SLC9A3: variants seen among roughly 807,000 people sequenced by gnomAD.
SLC9A3 encodes solute carrier family 9 member A3, also known as sodium/hydrogen exchanger 3.
A neutral mutation model predicts 86.8 loss-of-function variants in SLC9A3; 37 were observed. The observed-to-expected ratio is 0.43, with a 90% CI of 0.33 to 0.56. The LOEUF (loss-of-function observed/expected upper bound fraction) is 0.56. Among genes scored for constraint, SLC9A3 ranks in the 20% least tolerant of loss-of-function variants. The pLI is 0.06. For missense variants in SLC9A3, 1,011 were observed against 1,171.9 expected (o/e 0.86, Z 2.00); for synonymous variants, 581 against 528.3 (o/e 1.10, Z -1.37).
intron 10 of SLC9A3, 54 bp from the exon 11 acceptor site, chr5:477,498 TGC>T: frequency 3.1e-6 from 4 of 1,310,778 alleles, no homozygotes; most frequent in Non-Finnish European, 3.2e-6. Context: ...CCCTAGCTGC[TGC>T]CATTGTGTGC....
intron 1 of SLC9A3, among the ~76,000 whole-genome samples, chr5:510,463 G>A (rs1403964031): frequency 6.6e-6 from 1 of 152,214 alleles, no homozygotes; most frequent in Admixed American, 6.5e-5. Flanking sequence ...GTGACCACTG[G>A]GGAGCGGGGC....
In SLC9A3 at chr5:475,652, G is replaced by A. The variant is rs1307573442; in HGVS notation, c.2160C>T (p.Thr720=). The change falls in exon 15 of 17, where the codon ACC becomes ACT. Residue 720 remains threonine, a synonymous_variant. Transcript: ENST00000264938. ...IKEKDLELSD[T]EEPPNYDEEM... Reference sequence around the variant, plus strand: ...CCTCATCATAGTTGGGGGGCTCCTCGGTGTCTGAAAGTTCCAAGTCTGGGG... The same window carrying A: ...CCTCATCATAGTTGGGGGGCTCCTCAGTGTCTGAAAGTTCCAAGTCTGGGG... 2.6e-6 allele frequency: 4 copies of A among 1,550,692 alleles called. No homozygotes were observed. Among genetic ancestry groups the A allele is most frequent in the African/African-American group, 2.7e-5 (2 of 73,030 alleles).
intron 9 of SLC9A3, 153 bp from the exon 10 acceptor site, chr5:480,118 C>T (rs1739067196): frequency 1.3e-6 from 1 of 767,578 alleles, no homozygotes; most frequent in African/African-American, 1.8e-5. Flanking sequence ...GCCACACGCC[C>T]AGGCCGTCCG....
chr5:488,348 C>G lies in SLC9A3; in HGVS notation c.643G>C (p.Gly215Arg). Reference protein sequence around the residue: ...VNEVLFIIVFGESLLNDAVTV... With the variant: ...VNEVLFIIVFRESLLNDAVTV... ...ACTGCGTCGTTCAGCAGCGACTCCCCGAAGACGATGATGAACAGGACCTCG... is the reference window on the plus strand; with the variant it reads ...ACTGCGTCGTTCAGCAGCGACTCCCGGAAGACGATGATGAACAGGACCTCG... The change falls in exon 3 of 17, where the codon GGG becomes CGG. Residue 215 changes from glycine to arginine, a missense_variant. By Grantham distance (125) the Gly-to-Arg change is moderately radical. Coordinates refer to ENST00000264938, the MANE Select transcript of SLC9A3 (RefSeq NM_004174.4). 6.2e-7 allele frequency: 1 copy of G among 1,612,708 alleles called. No homozygotes were observed. Among genetic ancestry groups the G allele is most frequent in the Non-Finnish European group, 8.5e-7 (1 of 1,179,876 alleles).
In SLC9A3 at chr5:472,425, C is replaced by G. The variant is rs1383701029; in HGVS notation, c.*954G>C. On this transcript the variant is annotated 3_prime_UTR_variant, in exon 17 of 17. Coordinates refer to ENST00000264938, the MANE Select transcript of SLC9A3 (RefSeq NM_004174.4). ...CTGGGCCCCACCATCCACTTAAGGA[C>G]TGGCCGTGATTCTTGGCAAGCTCCG... 3.0e-6 allele frequency: 1 copy of G among 337,052 alleles called. No homozygotes were observed. Among genetic ancestry groups the G allele is most frequent in the East Asian group, 9.3e-5 (1 of 10,762 alleles). The allele number at this position is 337,052 out of a possible 1,614,324, so 20.9% of individuals were successfully genotyped here.
Position 490,487 on chromosome 5 carries a change from T to C in SLC9A3, c.514+1282A>G, listed in dbSNP as rs145757865. 2.6e-3 allele frequency among the ~76,000 whole-genome samples: 403 copies of C among 152,324 alleles called. 1 individual carries two copies. The highest frequency in any genetic ancestry group is 9.3e-3 in the African/African-American group (386 of 41,568). On this transcript the variant is annotated intron_variant, in intron 2 of 16. Transcript: ENST00000264938. ...TGCAAGGGAAATCCGGCAGTGTCTC[T>C]GGCCAATGCTAGGCGGGGACCATTG...
rs1322516239 is a variant in SLC9A3, at chr5:472,882, GGGCGAGCCTC to G, written c.*487_*496del. Reference sequence around the variant, plus strand: ...GGCTGGTTTCACGCAAATCCGTTTGGGGCGAGCCTCGGTTTCCCGGCAGCGGTGGGAAAGG... The same window carrying G: ...GGCTGGTTTCACGCAAATCCGTTTGGGGTTTCCCGGCAGCGGTGGGAAAGG... On this transcript the variant is annotated 3_prime_UTR_variant, in exon 17 of 17. Coordinates refer to ENST00000264938, the MANE Select transcript of SLC9A3 (RefSeq NM_004174.4). 2.0e-6 allele frequency: 1 copy of G among 501,722 alleles called. No homozygotes were observed. Among genetic ancestry groups the G allele is most frequent in the Non-Finnish European group, 3.7e-6 (1 of 268,462 alleles). 31.1% of individuals were successfully genotyped at this position (501,722 alleles called of 1,614,324 possible).
intron 8 of SLC9A3, 25 bp from the exon 9 acceptor site, chr5:481,660 C>T (rs767233922): frequency 8.7e-6 from 14 of 1,602,514 alleles, no homozygotes; most frequent in Middle Eastern, 3.3e-4. Context: ...AAGACATGAG[C>T]GTCTCGGGGC....
intron 1 of SLC9A3, among the ~76,000 whole-genome samples, chr5:500,654 G>A (rs1427891307): frequency 8.3e-6 from 1 of 120,276 alleles, no homozygotes; most frequent in Non-Finnish European, 1.6e-5. Context: ...GTGGACATGG[G>A]GCTAGTATGG....
At chr5:518,048 T>A (rs1264089800) in intron 1 of SLC9A3, among the ~76,000 whole-genome samples, 1 of 152,252 alleles carries the variant, frequency 6.6e-6, no homozygotes, top group South Asian at 2.1e-4. Context: ...CACATGTCCA[T>A]TCACGTGCTC....
chr5:519,602 C>T lies in SLC9A3; in HGVS notation c.211+4510G>A, dbSNP rs573644371. Among the ~76,000 whole-genome samples, 8 of 152,256 alleles carry T rather than the reference C, an allele frequency of 5.3e-5. No homozygotes were observed. In the South Asian group the frequency reaches 6.2e-4, roughly 12 times the overall value. On this transcript the variant is annotated intron_variant, in intron 1 of 16. Coordinates refer to ENST00000264938, the MANE Select transcript of SLC9A3 (RefSeq NM_004174.4). The stretch of plus-strand genomic sequence containing the variant: ...CCCTGGGACACGCTGGGTAAGACAG[C>T]GGGGGTCCGGGAGTCAAGTGTCGGG...
chr5:507,400 G>GT (rs1394693914), intron 1 of SLC9A3, among the ~76,000 whole-genome samples: 2 of 150,726 alleles, frequency 1.3e-5, no homozygotes, highest in Non-Finnish European at 3.0e-5. Context: ...GTCTAGCTCT[G>GT]TTGCCCAGGC....
At chr5:482,899 G>A (rs927971988) in intron 6 of SLC9A3, 149 bp from the exon 7 acceptor site, 51 of 655,716 alleles carry the variant, frequency 7.8e-5, no homozygotes, top group South Asian at 1.9e-4. Context: ...CACGTCCCTC[G>A]TCACCATCCA....
chr5:506,464 G>A (rs573795654), intron 1 of SLC9A3, among the ~76,000 whole-genome samples: 1 of 152,306 alleles, frequency 6.6e-6, no homozygotes, highest in East Asian at 1.9e-4. Flanking sequence ...CTCCCGAGGG[G>A]CCCCATGCTG....
At chr5:502,289 C>T (rs991997311) in intron 1 of SLC9A3, among the ~76,000 whole-genome samples, 1 of 152,216 alleles carries the variant, frequency 6.6e-6, no homozygotes, top group African/African-American at 2.4e-5. Flanking sequence ...GCCCCCCACC[C>T]CCAGAGACGG....
At position 472,768 on chromosome 5, in the gene SLC9A3, C is replaced by T; in HGVS notation, c.*611G>A. ...GGGCCTGCAGCCGCTGCAGGTCGGG[C>T]CCTGAGTCCTGGCGCTCGGGAGGTC... On this transcript the variant is annotated 3_prime_UTR_variant, in exon 17 of 17. Coordinates refer to ENST00000264938, the MANE Select transcript of SLC9A3 (RefSeq NM_004174.4). The T allele has an allele frequency of 1.7e-6, 1 of 586,160 alleles. No homozygotes were observed. The highest frequency in any genetic ancestry group is 3.2e-6 in the Non-Finnish European group (1 of 310,520). The allele number at this position is 586,160 out of a possible 1,614,324, so 36.3% of individuals were successfully genotyped here.
In SLC9A3 at chr5:524,134, G is replaced by C; in HGVS notation, c.189C>G (p.Leu63=). 6.5e-7 allele frequency: 1 copy of C among 1,530,022 alleles called. No homozygotes were observed. The highest frequency in any genetic ancestry group is 1.2e-5 in the South Asian group (1 of 81,538). 94.8% of individuals were successfully genotyped at this position (1,530,022 alleles called of 1,614,324 possible). ...TACCGATCTTGGCCAAGCTGGCCAC[G>C]AGGATCCAGAGCGCGATGACGTAGG... ...QDPYVIALWI[L]VASLAKIGFH... is the part of the protein sequence containing the mutation. Residue 63 remains leucine, a synonymous_variant, in exon 1 of 17, where the codon CTC becomes CTG. Transcript: ENST00000264938.
At position 476,340 on chromosome 5, in the gene SLC9A3, C is replaced by T. The variant is rs371104997; in HGVS notation, c.1929G>A (p.Thr643=). The change falls in exon 13 of 17, where the codon ACG becomes ACA. Residue 643 remains threonine (T), a synonymous_variant. Coordinates refer to ENST00000264938, the MANE Select transcript of SLC9A3 (RefSeq NM_004174.4). ...TTTCCCGGTCCTGTTTCTCGTCCTCCGTGGGCGTGAGCTCGTGTCGGCTGT... is the reference window on the plus strand; with the variant it reads ...TTTCCCGGTCCTGTTTCTCGTCCTCTGTGGGCGTGAGCTCGTGTCGGCTGT... ...HLYSRHELTP[T]EDEKQDREIF... The T allele has an allele frequency of 5.0e-6, 8 of 1,613,806 alleles. No homozygotes were observed. Among genetic ancestry groups the T allele is most frequent in the East Asian group, 4.5e-5 (2 of 44,898 alleles).
chr5:482,268 C>T (rs1393976985), intron 7 of SLC9A3, 111 bp from the exon 8 acceptor site: 8 of 846,198 alleles, frequency 9.5e-6, no homozygotes, highest in Non-Finnish European at 1.5e-5. Context: ...GGCGCCCTCC[C>T]TGCTCTCCGG....
Sources: gnomAD v4.1 joint callset for allele counts (sites outside exome capture counted in the v4.1 genomes callset) on GRCh38, gnomAD v4.1.1 for gene constraint, MANE v1.5 for transcripts, NCBI Gene and HGNC (gene_info 2026-07-23, HGNC 2026-07-21) for gene names.